The following NT5DC3 variants were observed in gnomAD, a reference collection of about 807,000 sequenced individuals.
NT5DC3 encodes 5'-nucleotidase domain-containing protein 3.
Under a neutral mutation model 67.8 loss-of-function variants are expected in NT5DC3, and 42 were observed. That is an observed-to-expected ratio of 0.62 (90% CI 0.48 to 0.80). The LOEUF is 0.80. Ranked by LOEUF, NT5DC3 falls within the 30% of genes least tolerant of loss-of-function variation. NT5DC3 has a pLI of 0.00. For synonymous variants in NT5DC3, 237 were observed against 255.6 expected, an observed-to-expected ratio of 0.93 and a Z score of 0.69; for missense variants, 570 against 696.4, an observed-to-expected ratio of 0.82 and a Z score of 2.04.
the NT5DC3 span, among the ~76,000 whole-genome samples, chr12:103,749,457 T>A: frequency 6.6e-6 from 1 of 152,034 alleles, no homozygotes; most frequent in East Asian, 1.9e-4. Flanking sequence ...CAGGGGAAAG[T>A]GGGTAGAGAG....
chr12:103,839,170 T>C (rs1282414708), intron 1 of NT5DC3, among the ~76,000 whole-genome samples: 1 of 152,248 alleles, frequency 6.6e-6, no homozygotes, highest in African/African-American at 2.4e-5. Context: ...ACTGTTGTGA[T>C]AATGTACTAC....
At chr12:103,823,326 CT>C (rs1887564578) in intron 1 of NT5DC3, among the ~76,000 whole-genome samples, 1 of 152,008 alleles carries the variant, frequency 6.6e-6, no homozygotes, top group Admixed American at 6.6e-5. Flanking sequence ...AAAAGTTAAT[CT>C]AGTGGATAAT....
chr12:103,766,369 C>T (rs746229716), downstream of NT5DC3: 2 of 1,588,718 alleles, frequency 1.3e-6, no homozygotes, highest in Non-Finnish European at 1.7e-6. Context: ...CCATCACTCA[C>T]TGCCACCTGG....
intron 1 of NT5DC3, among the ~76,000 whole-genome samples, chr12:103,831,710 C>A (rs977174889): frequency 3.3e-5 from 5 of 151,068 alleles, no homozygotes; most frequent in African/African-American, 1.2e-4. Flanking sequence ...TAAAGGCCAA[C>A]AAGTGTTCCC....
intron 1 of NT5DC3, among the ~76,000 whole-genome samples, chr12:103,824,981 G>A (rs1007814900): frequency 1.3e-5 from 2 of 152,150 alleles, no homozygotes; most frequent in African/African-American, 4.8e-5. Flanking sequence ...ACCACATGGG[G>A]ATTATAAATA....
At chr12:103,758,786 C>A in the NT5DC3 span, among the ~76,000 whole-genome samples, 3 of 152,322 alleles carry the variant, frequency 2.0e-5, no homozygotes, top group East Asian at 3.9e-4. Flanking sequence ...AGAGGATTGG[C>A]GGTATTTATT....
At chr12:103,823,872 T>A in intron 1 of NT5DC3, among the ~76,000 whole-genome samples, 1 of 152,214 alleles carries the variant, frequency 6.6e-6, no homozygotes, top group East Asian at 1.9e-4. Flanking sequence ...CATCCCTAAC[T>A]GCCAGTGAAA....
At chr12:103,817,181 G>A (rs1472268857) in intron 1 of NT5DC3, among the ~76,000 whole-genome samples, 4 of 152,034 alleles carry the variant, frequency 2.6e-5, no homozygotes, top group African/African-American at 4.8e-5. Flanking sequence ...CATCTCAGAC[G>A]ACGAGGCCTC....
At position 103,793,480 on chromosome 12, in the gene NT5DC3, C is replaced by A; in HGVS notation, c.847G>T (p.Ala283Ser). ...TGATCAGCCAGTTTGGCCAACACTGCGCGGGTCTGCTCAGCATAGCAGATG... is the reference window on the plus strand; with the variant it reads ...TGATCAGCCAGTTTGGCCAACACTGAGCGGGTCTGCTCAGCATAGCAGATG... ...KYICYAEQTRAVLAKLADHGK... is the reference protein window; with the variant it reads ...KYICYAEQTRSVLAKLADHGK... The change falls in exon 8 of 14, where the codon GCA (alanine) becomes TCA (serine). Residue 283 changes from alanine to serine, a missense_variant. By Grantham distance (99) the Ala-to-Ser change is moderately conservative (BLOSUM62 1). Around this residue, in one of 2 missense-constraint regions of NT5DC3, gnomAD observed 466 missense variants for 608.0 expected, o/e 0.77. Coordinates refer to ENST00000392876, the MANE Select transcript of NT5DC3 (RefSeq NM_001031701.3). The A allele has an allele frequency of 6.2e-7, 1 of 1,614,016 alleles. No individual in the cohort carries two copies. Among genetic ancestry groups the A allele is most frequent in the Non-Finnish European group, 8.5e-7 (1 of 1,179,928 alleles).
chr12:103,759,272 C>T, the NT5DC3 span: 23 of 1,613,806 alleles, frequency 1.4e-5, no homozygotes, highest in South Asian at 7.7e-5. Flanking sequence ...CCACTCCAAC[C>T]GGTACAAAGT....
chr12:103,831,054 A>C (rs1887903203), intron 1 of NT5DC3, among the ~76,000 whole-genome samples: 1 of 152,154 alleles, frequency 6.6e-6, no homozygotes, highest in Middle Eastern at 3.2e-3. Context: ...ACTATCACTC[A>C]GTTTCTCAGT....
At position 103,773,725 on chromosome 12, in the gene NT5DC3, G is replaced by A. The variant is rs1885249788; in HGVS notation, c.*4104C>T. ...GCAGCAAATGAGCAGGCAGAAAAGTGGAATTCAGTTCCAGTATTTAGCCCA... is the reference window on the plus strand; with the variant it reads ...GCAGCAAATGAGCAGGCAGAAAAGTAGAATTCAGTTCCAGTATTTAGCCCA... On this transcript the variant is annotated 3_prime_UTR_variant, in exon 14 of 14. Coordinates refer to ENST00000392876, the MANE Select transcript of NT5DC3 (RefSeq NM_001031701.3). 1 of 152,280 alleles carries A rather than the reference G, an allele frequency of 6.6e-6. No homozygotes were observed. Among genetic ancestry groups the A allele is most frequent in the South Asian group, 2.1e-4 (1 of 4,828 alleles). 9.4% of individuals were successfully genotyped at this position (152,280 alleles called of 1,614,324 possible). A position where few individuals can be genotyped will look rare whatever the true frequency, so the allele number is the denominator to read the frequency against.
chr12:103,770,595 C>G (rs1885158507), downstream of NT5DC3: 4 of 152,234 alleles, frequency 2.6e-5, no homozygotes, highest in South Asian at 8.3e-4. Flanking sequence ...TCACCAAACC[C>G]AACTAATGTG....
At chr12:103,820,098 G>A (rs1887430531) in intron 1 of NT5DC3, among the ~76,000 whole-genome samples, 1 of 152,114 alleles carries the variant, frequency 6.6e-6, no homozygotes. Context: ...CCTTCCTAAG[G>A]CTGCACAGTC....
At chr12:103,760,034 TAAG>T in the NT5DC3 span, among the ~76,000 whole-genome samples, 2 of 152,164 alleles carry the variant, frequency 1.3e-5, no homozygotes, top group African/African-American at 4.8e-5. Context: ...GAGTGGAAGA[TAAG>T]GAGTATTTCA....
Position 103,806,931 on chromosome 12 carries a change from T to A in NT5DC3, c.394-2A>T. ...ATACTTCCTGATTTCTGCTGGATAC[T>A]AAGAAAGAAGAAAGGAACTGGTTTT... On this transcript the variant is annotated splice_acceptor_variant, in intron 2 of 13. Transcript: ENST00000392876. LOFTEE classifies it high-confidence loss of function. 1 of 1,582,854 alleles carries A rather than the reference T, an allele frequency of 6.3e-7. No individual in the cohort carries two copies. The highest frequency in any genetic ancestry group is 8.7e-7 in the Non-Finnish European group (1 of 1,151,632).
chr12:103,787,562 C>G, intron 10 of NT5DC3, 35 bp from the exon 11 acceptor site: 1 of 1,250,070 alleles, frequency 8.0e-7, no homozygotes. Flanking sequence ...ATTATTATTA[C>G]AGATAGAGAT....
chr12:103,801,712 C>T (rs950137727), intron 4 of NT5DC3, among the ~76,000 whole-genome samples: 2 of 152,108 alleles, frequency 1.3e-5, no homozygotes, highest in Non-Finnish European at 2.9e-5. Context: ...GTATTTAACA[C>T]ATTAGGGCAG....
chr12:103,780,462 T>G, intron 12 of NT5DC3, 98 bp from the exon 13 acceptor site: 1 of 1,080,308 alleles, frequency 9.3e-7, no homozygotes, highest in Non-Finnish European at 1.4e-6. Context: ...AGGAGAAATT[T>G]TATTCCCTTA....
Sources: allele counts gnomAD v4.1 joint callset (sites outside exome capture counted in the v4.1 genomes callset), GRCh38; gene constraint gnomAD v4.1.1; regional missense constraint gnomAD v4.1.1; transcripts MANE v1.5; gene names NCBI Gene and HGNC (gene_info 2026-07-23, HGNC 2026-07-21).